TBL1Y: variants seen among roughly 807,000 people sequenced by gnomAD.
TBL1Y encodes the protein F-box-like/WD repeat-containing protein TBL1Y.
A neutral mutation model predicts 12.0 loss-of-function variants in TBL1Y; 15 were observed. The ratio of observed to expected loss-of-function variants is 1.25; its 90% CI spans 0.83 to 1.92. TBL1Y has a LOEUF of 1.92. Among genes scored for constraint, TBL1Y ranks in the 40% most tolerant of loss-of-function variants. The pLI, the probability that TBL1Y is intolerant of heterozygous loss-of-function variation, is 0.00. For missense variants in TBL1Y, 148 were observed against 116.7 expected (o/e 1.27, Z -1.24); for synonymous variants, 53 against 42.6 (o/e 1.24, Z -0.95).
chrY:6,995,184 C>CT (rs2012401963), intron 3 of TBL1Y, among the ~76,000 whole-genome samples: 1 of 32,883 alleles, frequency 3.0e-5, no homozygotes, highest in Non-Finnish European at 7.5e-5. Context: ...CCTCCTCTTA[C>CT]TTTAACTTAC....
At chrY:7,064,415 G>T in intron 8 of TBL1Y, among the ~76,000 whole-genome samples, 1 of 32,976 alleles carries the variant, frequency 3.0e-5, no homozygotes, top group African/African-American at 1.2e-4. Context: ...ATAATACATG[G>T]TTATGGCCCA....
At chrY:6,987,030 G>C in intron 3 of TBL1Y, among the ~76,000 whole-genome samples, 1 of 33,327 alleles carries the variant, frequency 3.0e-5, no homozygotes, top group Non-Finnish European at 7.4e-5. Flanking sequence ...GTCAGAACCA[G>C]TATGGTTGCA....
At chrY:6,963,469 G>A in intron 2 of TBL1Y, among the ~76,000 whole-genome samples, 1 of 33,091 alleles carries the variant, frequency 3.0e-5, no homozygotes, top group African/African-American at 1.2e-4. Flanking sequence ...CAGTAACTGA[G>A]CAATTCTATC....
At chrY:7,085,819 G>A (rs2013126428) in intron 14 of TBL1Y, 79 bp from the exon 15 acceptor site, 11 of 291,743 alleles carry the variant, frequency 3.8e-5, no homozygotes, top group Non-Finnish European at 1.6e-5. Flanking sequence ...GTGGCGCGCT[G>A]CTGCCCCCTG....
At chrY:7,069,129 G>A (rs2013006073) in intron 8 of TBL1Y, among the ~76,000 whole-genome samples, 1 of 32,458 alleles carries the variant, frequency 3.1e-5, no homozygotes, top group Non-Finnish European at 7.4e-5. Context: ...AGGACATAAC[G>A]AAACATGCTT....
At chrY:6,920,745 C>G in intron 2 of TBL1Y, 1 of 33,149 alleles carries the variant, frequency 3.0e-5, no homozygotes, top group Non-Finnish European at 7.4e-5. Flanking sequence ...TTTTTCAGAC[C>G]GGTTAAGGAT....
At chrY:7,059,427 G>T (rs962015454) in intron 7 of TBL1Y, among the ~76,000 whole-genome samples, 38 of 32,794 alleles carry the variant, frequency 1.2e-3, no homozygotes, top group Admixed American at 1.9e-3. Context: ...AGGGGGTGGC[G>T]CTTTCTTGAC....
At chrY:7,025,362 A>G (rs897018303) in intron 6 of TBL1Y, among the ~76,000 whole-genome samples, 2 of 33,756 alleles carry the variant, frequency 5.9e-5, no homozygotes, top group Non-Finnish European at 1.5e-4. Context: ...TACTACACAC[A>G]GCTGTTTTCC....
At chrY:6,918,567 C>T (rs2011753121) in intron 2 of TBL1Y, 1 of 31,352 alleles carries the variant, frequency 3.2e-5, no homozygotes, top group Non-Finnish European at 7.7e-5. Context: ...ACCATATTTG[C>T]GTTTTTTTAA....
intron 14 of TBL1Y, among the ~76,000 whole-genome samples, chrY:7,082,352 T>A: frequency 3.0e-5 from 1 of 33,273 alleles, no homozygotes; most frequent in African/African-American, 1.2e-4. Context: ...GCTCTGAGGC[T>A]CTTTCTGGTC....
At chrY:7,046,211 C>G in intron 7 of TBL1Y, among the ~76,000 whole-genome samples, 2 of 33,118 alleles carry the variant, frequency 6.0e-5, no homozygotes, top group African/African-American at 2.4e-4. Flanking sequence ...TTTGAGAGAA[C>G]ACAGCACATC....
chrY:6,959,475 T>C (rs2012107562), intron 2 of TBL1Y, among the ~76,000 whole-genome samples: 1 of 32,774 alleles, frequency 3.1e-5, no homozygotes, highest in African/African-American at 1.2e-4. Flanking sequence ...CGCTGGTTGC[T>C]GTCTCTCCGG....
At chrY:7,000,678 C>A in intron 4 of TBL1Y, among the ~76,000 whole-genome samples, 1 of 34,111 alleles carries the variant, frequency 2.9e-5, no homozygotes, top group Non-Finnish European at 7.3e-5. Context: ...CAGCTTACTG[C>A]GGCCTCTGCC....
chrY:7,049,760 G>C, intron 7 of TBL1Y, among the ~76,000 whole-genome samples: 1 of 33,349 alleles, frequency 3.0e-5, no homozygotes, highest in Non-Finnish European at 7.4e-5. Context: ...TGTAGATTTT[G>C]GATGTTAGCC....
At chrY:7,082,542 G>A in intron 14 of TBL1Y, among the ~76,000 whole-genome samples, 1 of 33,512 alleles carries the variant, frequency 3.0e-5, no homozygotes. Context: ...CCATGCTAAG[G>A]CCTTCCTGGA....
intron 7 of TBL1Y, among the ~76,000 whole-genome samples, chrY:7,062,934 C>T (rs2012892730): frequency 2.9e-5 from 1 of 34,101 alleles, no homozygotes; most frequent in African/African-American, 1.1e-4. Context: ...TTACCAGCTC[C>T]CCTGGCTTTT....
At chrY:7,064,176 G>A (rs1478849897) in intron 8 of TBL1Y, 27 bp downstream of exon 8, 2 of 397,136 alleles carry the variant, frequency 5.0e-6, no homozygotes, top group East Asian at 9.2e-5. Flanking sequence ...TGGAAGTTTG[G>A]TGGGCCTCTC....
chrY:7,004,902 G>A, intron 4 of TBL1Y, among the ~76,000 whole-genome samples: 3 of 33,779 alleles, frequency 8.9e-5, no homozygotes, highest in Non-Finnish European at 2.2e-4. Context: ...CCTGCATGCC[G>A]GATTTAGCCC....
chrY:7,070,810 A>AG lies in TBL1Y; in HGVS notation c.687dup (p.His230AlafsTer6), dbSNP rs778668987. 1 of 394,450 alleles carries AG rather than the reference A, an allele frequency of 2.5e-6. No homozygotes were observed. The highest frequency in any genetic ancestry group is 3.5e-6 in the Non-Finnish European group (1 of 282,270). ...TCGTGTTGAGACATTGTATACGAGA[A>AG]GGGGGGCACGACGTCCCAAGTAATA... is the stretch of plus-strand genomic sequence containing the variant. On this transcript the variant is annotated frameshift_variant, in exon 10 of 19. Coordinates refer to ENST00000383032, the MANE Select transcript of TBL1Y (RefSeq NM_033284.2). LOFTEE classifies it high-confidence loss of function.
Sources: allele counts gnomAD v4.1 joint callset (sites outside exome capture counted in the v4.1 genomes callset), GRCh38; gene constraint gnomAD v4.1.1; transcripts MANE v1.5; gene names NCBI Gene and HGNC (gene_info 2026-07-23, HGNC 2026-07-21).